ARHGAP15: variants seen among roughly 807,000 people sequenced by gnomAD.
The protein encoded by ARHGAP15 is rho GTPase-activating protein 15.
Under a neutral mutation model 63.7 loss-of-function variants are expected in ARHGAP15, and 51 were observed. That is an observed-to-expected ratio of 0.80 (90% CI 0.64 to 1.01). The LOEUF (loss-of-function observed/expected upper bound fraction) is 1.01. ARHGAP15 is among the 50% of genes least tolerant of loss of function. ARHGAP15 has a pLI of 0.00. For missense variants in ARHGAP15, 560 were observed against 564.6 expected (o/e 0.99, Z 0.08); for synonymous variants, 191 against 193.8 (o/e 0.99, Z 0.12).
At chr2:143,376,216 T>C (rs374393149) in intron 6 of ARHGAP15, among the ~76,000 whole-genome samples, 1 of 152,170 alleles carries the variant, frequency 6.6e-6, no homozygotes, top group South Asian at 2.1e-4. Flanking sequence ...ATTACAAAGA[T>C]AGAAAAGCAG....
chr2:143,266,095 G>A (rs1221322332), intron 6 of ARHGAP15, among the ~76,000 whole-genome samples: 1 of 151,934 alleles, frequency 6.6e-6, no homozygotes, highest in South Asian at 2.1e-4. Flanking sequence ...ATAGTACTGA[G>A]TAGAGCTCCA....
At chr2:143,313,396 CT>C (rs1683537720) in intron 6 of ARHGAP15, among the ~76,000 whole-genome samples, 1 of 152,106 alleles carries the variant, frequency 6.6e-6, no homozygotes, top group Non-Finnish European at 1.5e-5. Context: ...AGAGAAACTA[CT>C]TCTATTTTCC....
chr2:143,667,328 C>T (rs940415701), intron 12 of ARHGAP15, among the ~76,000 whole-genome samples: 5 of 145,414 alleles, frequency 3.4e-5, no homozygotes, highest in African/African-American at 1.3e-4. Flanking sequence ...GAACAAAAAA[C>T]CAAACACCGC....
In ARHGAP15 at chr2:143,435,623, A is replaced by G. The variant is rs766488154; in HGVS notation, c.497A>G (p.Glu166Gly). 4.4e-6 allele frequency: 7 copies of G among 1,582,912 alleles called. No homozygotes were observed. The highest frequency in any genetic ancestry group is 1.2e-5 in the South Asian group (1 of 86,862). ...VFQITTVSGN[E>G]FLLQSDIDFI... ...CAGATCACAACAGTATCAGGAAATG[A>G]GTTCCTTCTACAGTCAGATATTGAC... is the stretch of plus-strand genomic sequence containing the variant. The change falls in exon 7 of 14, where the codon GAG becomes GGG. Residue 166 changes from glutamate (E) to glycine (G), a missense_variant. Transcript: ENST00000295095.
intron 9 of ARHGAP15, among the ~76,000 whole-genome samples, chr2:143,501,642 CAGAA>C (rs1232346421): frequency 2.0e-5 from 3 of 152,064 alleles, no homozygotes; most frequent in Non-Finnish European, 4.4e-5. Context: ...CCTTTTTAGT[CAGAA>C]AGATCATGTA....
At chr2:143,681,937 T>C (rs974959842) in intron 12 of ARHGAP15, among the ~76,000 whole-genome samples, 3 of 152,226 alleles carry the variant, frequency 2.0e-5, no homozygotes, top group Non-Finnish European at 4.4e-5. Flanking sequence ...TGCTACAGCA[T>C]TTTAAGTAAT....
intron 5 of ARHGAP15, among the ~76,000 whole-genome samples, chr2:143,232,892 A>T (rs536053302): frequency 1.3e-5 from 2 of 152,084 alleles, no homozygotes; most frequent in South Asian, 4.1e-4. Flanking sequence ...TTAATATTTT[A>T]TCATTCCATT....
chr2:143,455,569 A>C (rs1690608582), intron 8 of ARHGAP15, among the ~76,000 whole-genome samples: 1 of 152,134 alleles, frequency 6.6e-6, no homozygotes, highest in Admixed American at 6.6e-5. Flanking sequence ...ATTTATGGTC[A>C]AATTTTAGGT....
intron 13 of ARHGAP15, among the ~76,000 whole-genome samples, chr2:143,746,720 T>C (rs1391249698): frequency 6.6e-6 from 1 of 152,160 alleles, no homozygotes; most frequent in Non-Finnish European, 1.5e-5. Flanking sequence ...TGAAATAACT[T>C]AGCGATAAAA....
chr2:143,368,811 A>G (rs1686412713), intron 6 of ARHGAP15, among the ~76,000 whole-genome samples: 1 of 152,088 alleles, frequency 6.6e-6, no homozygotes. Flanking sequence ...AATTAGAAAA[A>G]TAGAGCTGTG....
chr2:143,227,785 C>T (rs1005540010), intron 4 of ARHGAP15, among the ~76,000 whole-genome samples: 5 of 152,060 alleles, frequency 3.3e-5, no homozygotes, highest in African/African-American at 7.2e-5. Context: ...AGTAATGATG[C>T]AATTAATTTC....
chr2:143,290,159 A>G (rs559693619), intron 6 of ARHGAP15, among the ~76,000 whole-genome samples: 83 of 152,138 alleles, frequency 5.5e-4, no homozygotes, highest in Admixed American at 1.2e-3. Context: ...CAGCTCCATG[A>G]CTTTCCCAAT....
chr2:143,550,010 A>G (rs1176501932), intron 10 of ARHGAP15, among the ~76,000 whole-genome samples: 1 of 152,198 alleles, frequency 6.6e-6, no homozygotes, highest in Non-Finnish European at 1.5e-5. Context: ...TCCATCTTAA[A>G]TAAATTCTAG....
intron 6 of ARHGAP15, among the ~76,000 whole-genome samples, chr2:143,261,325 C>CTTTTTT (rs534351317): frequency 2.2e-5 from 2 of 89,526 alleles, no homozygotes; most frequent in Non-Finnish European, 4.2e-5. Flanking sequence ...GAGGAATGAC[C>CTTTTTT]TTTTTTTTTT....
chr2:143,653,474 C>T (rs1360062125), intron 12 of ARHGAP15, among the ~76,000 whole-genome samples: 1 of 152,060 alleles, frequency 6.6e-6, no homozygotes, highest in Non-Finnish European at 1.5e-5. Flanking sequence ...TTCCTAATTT[C>T]AAGGAATTTC....
chr2:143,448,888 C>T (rs1690268637), intron 8 of ARHGAP15, among the ~76,000 whole-genome samples: 2 of 152,098 alleles, frequency 1.3e-5, no homozygotes, highest in South Asian at 4.2e-4. Context: ...TAAATAACTT[C>T]TTTAAAGAGG....
chr2:143,706,372 A>C (rs910692649), intron 13 of ARHGAP15: 1 of 152,148 alleles, frequency 6.6e-6, no homozygotes, highest in Non-Finnish European at 1.5e-5. Flanking sequence ...CCTTGTATGT[A>C]GTGTTTATTC....
chr2:143,146,504 G>A (rs531631545), intron 1 of ARHGAP15, among the ~76,000 whole-genome samples: 4 of 152,064 alleles, frequency 2.6e-5, no homozygotes, highest in South Asian at 4.1e-4. Flanking sequence ...AGAGCTGTGC[G>A]GGGATTCTGG....
At chr2:143,425,905 A>G (rs1377771311) in intron 6 of ARHGAP15, among the ~76,000 whole-genome samples, 5 of 152,136 alleles carry the variant, frequency 3.3e-5, no homozygotes. Context: ...TGCAGTTTGG[A>G]TTCTATAAAA....
Sources: allele counts gnomAD v4.1 joint callset (sites outside exome capture counted in the v4.1 genomes callset), GRCh38; gene constraint gnomAD v4.1.1; transcripts MANE v1.5; gene names NCBI Gene and HGNC (gene_info 2026-07-23, HGNC 2026-07-21).